Variants in RBMS3 observed in about 807,000 individuals in gnomAD.
The protein encoded by RBMS3 is RNA-binding motif, single-stranded-interacting protein 3.
Under a neutral mutation model 66.8 loss-of-function variants are expected in RBMS3, and 27 were observed. That is an observed-to-expected ratio of 0.40 (90% CI 0.30 to 0.56). RBMS3 has a LOEUF of 0.56. RBMS3 is among the 20% of genes least tolerant of loss of function. The pLI, the probability that RBMS3 is intolerant of heterozygous loss-of-function variation, is 0.40. For missense variants in RBMS3, 513 were observed against 549.5 expected, an observed-to-expected ratio of 0.93 and a Z score of 0.66; for synonymous variants, 188 against 183.0, an observed-to-expected ratio of 1.03 and a Z score of -0.22.
chr3:29,412,980 C>T (rs566760591), intron 1 of RBMS3, among the ~76,000 whole-genome samples: 4 of 152,302 alleles, frequency 2.6e-5, no homozygotes, highest in Admixed American at 2.6e-4. Context: ...TTTTTCAGAG[C>T]ATGCTCAAAT....
chr3:29,685,612 A>G (rs1032964300), intron 4 of RBMS3, among the ~76,000 whole-genome samples: 7 of 152,154 alleles, frequency 4.6e-5, no homozygotes, highest in Non-Finnish European at 1.0e-4. Flanking sequence ...GTAGATACAC[A>G]AAGAGGTATA....
At chr3:29,683,219 G>A (rs186036256) in intron 4 of RBMS3, among the ~76,000 whole-genome samples, 2 of 152,296 alleles carry the variant, frequency 1.3e-5, no homozygotes, top group East Asian at 3.9e-4. Context: ...TTCCCCAGGT[G>A]TGAGTTGCTT....
At chr3:29,371,171 T>A (rs2038179094) in intron 1 of RBMS3, among the ~76,000 whole-genome samples, 1 of 152,208 alleles carries the variant, frequency 6.6e-6, no homozygotes, top group Admixed American at 6.5e-5. Context: ...ACAAAGCTGT[T>A]CACTCATACC....
At chr3:29,829,473 T>C (rs2058304540) in intron 6 of RBMS3, among the ~76,000 whole-genome samples, 1 of 152,220 alleles carries the variant, frequency 6.6e-6, no homozygotes, top group South Asian at 2.1e-4. Flanking sequence ...GCATTTCTTC[T>C]CTTCCTCTCA....
intron 1 of RBMS3, among the ~76,000 whole-genome samples, chr3:29,372,632 G>GT (rs1220575067): frequency 6.6e-6 from 1 of 151,828 alleles, no homozygotes; most frequent in Non-Finnish European, 1.5e-5. Flanking sequence ...TTATGTATTG[G>GT]TTTTTTTGTT....
In RBMS3 at chr3:29,694,649, T is replaced by A. The variant is rs574694026; in HGVS notation, c.400-45071T>A. The stretch of plus-strand genomic sequence containing the variant: ...AATTCCAATTAATATAGGAAGTTTC[T>A]GAATTTCTAGGTATTTCAGGATTTG... On this transcript the variant is annotated intron_variant, in intron 4 of 14. Coordinates refer to ENST00000383767, the MANE Select transcript of RBMS3 (RefSeq NM_001003793.3). Among the ~76,000 whole-genome samples, 42 of 152,294 alleles carry A rather than the reference T, an allele frequency of 2.8e-4. 1 individual carries two copies. The South Asian group carries it at 8.7e-3, about 32-fold the overall frequency.
chr3:29,801,076 T>A (rs1328998375), intron 6 of RBMS3, among the ~76,000 whole-genome samples: 1 of 151,674 alleles, frequency 6.6e-6, no homozygotes, highest in Non-Finnish European at 1.5e-5. Flanking sequence ...CTACTGAAAG[T>A]CAGTGTAAGT....
chr3:29,715,235 T>C (rs1426958109), intron 4 of RBMS3, among the ~76,000 whole-genome samples: 1 of 152,154 alleles, frequency 6.6e-6, no homozygotes, highest in Non-Finnish European at 1.5e-5. Flanking sequence ...GGGGTGCTCA[T>C]ATGTGCCAAG....
intron 3 of RBMS3, among the ~76,000 whole-genome samples, chr3:29,585,186 G>A (rs773637969): frequency 1.1e-4 from 16 of 152,136 alleles, no homozygotes; most frequent in Non-Finnish European, 1.9e-4. Context: ...GAACGGATGA[G>A]GAAGATTGGC....
intron 11 of RBMS3, 28 bp downstream of exon 11, chr3:29,936,224 T>G: frequency 1.3e-6 from 2 of 1,580,830 alleles, no homozygotes; most frequent in Non-Finnish European, 1.7e-6. Context: ...TTTTGTTTCC[T>G]TGAACTTTTT....
chr3:29,413,099 G>A (rs1043832636), intron 1 of RBMS3, among the ~76,000 whole-genome samples: 1 of 152,122 alleles, frequency 6.6e-6, no homozygotes, highest in Non-Finnish European at 1.5e-5. Context: ...AGCCAGGCGC[G>A]GTGGCTCACA....
intron 1 of RBMS3, among the ~76,000 whole-genome samples, chr3:29,293,071 G>T (rs916894671): frequency 6.6e-6 from 1 of 151,798 alleles, no homozygotes; most frequent in African/African-American, 2.4e-5. Flanking sequence ...ATTTGCTTTT[G>T]TTGTTTTGAC....
intron 6 of RBMS3, among the ~76,000 whole-genome samples, chr3:29,854,247 T>A (rs942108468): frequency 6.6e-6 from 1 of 152,202 alleles, no homozygotes; most frequent in Admixed American, 6.5e-5. Context: ...CACAGTGTGC[T>A]GCCATGTTGT....
chr3:29,778,443 T>TG (rs1301595024), intron 6 of RBMS3, among the ~76,000 whole-genome samples: 2 of 151,222 alleles, frequency 1.3e-5, no homozygotes, highest in African/African-American at 4.9e-5. Flanking sequence ...TTTTTTTTTT[T>TG]GTGCAAGGGG....
chr3:29,995,053 A>G (rs1432371976), intron 14 of RBMS3, among the ~76,000 whole-genome samples: 2 of 152,240 alleles, frequency 1.3e-5, no homozygotes, highest in Non-Finnish European at 2.9e-5. Context: ...TATAACTAGA[A>G]TAACCAATAC....
Position 29,772,248 on chromosome 3 carries a change from C to T in RBMS3, c.637+9259C>T, listed in dbSNP as rs370516719. Among the ~76,000 whole-genome samples the T allele has an allele frequency of 6.6e-4, 100 of 152,128 alleles. 1 individual carries two copies. Among genetic ancestry groups the T allele is most frequent in the Non-Finnish European group, 5.6e-4 (38 of 67,960 alleles). On this transcript the variant is annotated intron_variant, in intron 6 of 14. Coordinates refer to ENST00000383767, the MANE Select transcript of RBMS3 (RefSeq NM_001003793.3). ...TTAGCCCAGTGAGATCTGTGTTAGA[C>T]TTCTGACCTATACAACTGTGAGATA...
rs114106658 is a variant in RBMS3 at position 29,318,056 on chromosome 3, A to G, written c.75+36300A>G. ...ATAATAGGAAAGATCAAATTACCCT[A>G]TTTGGGATCATGTTAAACACTTTTC... On this transcript the variant is annotated intron_variant, in intron 1 of 14. Coordinates refer to ENST00000383767, the MANE Select transcript of RBMS3 (RefSeq NM_001003793.3). Among the ~76,000 whole-genome samples the G allele has an allele frequency of 7.5e-3, 1,144 of 151,862 alleles. 16 individuals carry two copies. The highest frequency in any genetic ancestry group is 0.027 in the African/African-American group (1,100 of 41,462).
intron 6 of RBMS3, among the ~76,000 whole-genome samples, chr3:29,776,211 A>G (rs906277776): frequency 1.3e-5 from 2 of 151,976 alleles, no homozygotes; most frequent in African/African-American, 4.8e-5. Context: ...CACGGCCAGG[A>G]TCCCCTTTGC....
intron 2 of RBMS3, among the ~76,000 whole-genome samples, chr3:29,473,855 C>G (rs948161692): frequency 2.0e-5 from 3 of 152,246 alleles, no homozygotes; most frequent in South Asian, 2.1e-4. Context: ...AAGCGCCGCG[C>G]GCAGCCCCGG....
Sources: allele counts gnomAD v4.1 joint callset (sites outside exome capture counted in the v4.1 genomes callset), GRCh38; gene constraint gnomAD v4.1.1; transcripts MANE v1.5; gene names NCBI Gene and HGNC (gene_info 2026-07-23, HGNC 2026-07-21).